SNAPC4: variants seen among roughly 807,000 people sequenced by gnomAD.
SNAPC4 encodes the protein snRNA-activating protein complex subunit 4.
Under a neutral mutation model 151.3 loss-of-function variants are expected in SNAPC4, and 127 were observed. The observed-to-expected ratio is 0.84, with a 90% confidence interval of 0.73 to 0.97. The LOEUF (loss-of-function observed/expected upper bound fraction) is 0.97. SNAPC4 is among the 50% of genes least tolerant of loss of function. The pLI, the probability that SNAPC4 is intolerant of heterozygous loss-of-function variation, is 0.00. For synonymous variants in SNAPC4, 1,002 were observed against 824.4 expected (o/e 1.22, Z -3.69); for missense variants, 2,186 against 1,935.0 (o/e 1.13, Z -2.43).
chr9:136,394,795 C>T lies in SNAPC4; in HGVS notation c.550+5G>A, dbSNP rs776274076. On this transcript the variant is annotated splice_donor_5th_base_variant and intron_variant, in intron 6 of 23. Transcript: ENST00000684778. Reference sequence around the variant, plus strand: ...GGGTGCCGCAGGGCCGGCCAGGGCTCTTACATTTGGTCACAAGGAGCTCCT... The same window carrying T: ...GGGTGCCGCAGGGCCGGCCAGGGCTTTTACATTTGGTCACAAGGAGCTCCT... The T allele has an allele frequency of 1.1e-5, 17 of 1,613,506 alleles. No individual in the cohort carries two copies. The East Asian group carries it at 3.8e-4, about 36-fold the overall frequency.
intron 11 of SNAPC4, 56 bp from the exon 12 acceptor site, chr9:136,387,904 A>G (rs1424277600): frequency 4.1e-6 from 4 of 987,612 alleles, no homozygotes; most frequent in South Asian, 1.3e-5. Context: ...CCCTCCATAG[A>G]GTAGACAGCT....
chr9:136,382,607 G>A (rs4567159), intron 16 of SNAPC4, among the ~76,000 whole-genome samples: 57,607 of 152,058 alleles, frequency 0.38, 11,308 homozygotes, highest in Admixed American at 0.47. Flanking sequence ...TCCAGGTGAC[G>A]CCCCGGCCTA....
chr9:136,395,605 G>A lies in SNAPC4; in HGVS notation c.343C>T (p.Gln115Ter). The A allele has an allele frequency of 6.2e-7, 1 of 1,610,228 alleles. No individual in the cohort carries two copies. The highest frequency in any genetic ancestry group is 1.1e-5 in the South Asian group (1 of 91,000). Residue 115 changes from glutamine to a stop codon, truncating the protein, a stop_gained and splice_region_variant, in exon 4 of 24, where the codon CAG becomes TAG. Coordinates refer to ENST00000684778, the MANE Select transcript of SNAPC4 (RefSeq NM_003086.4). LOFTEE classifies it high-confidence loss of function. ...CGGGGGGCCGAGGCCCATCCCACCT[G>A]CTGCTCCCGGTTCTGGGCCAGCAGC... ...NLLLAQNREQ[Q>*]EELMRDLAGS...
chr9:136,381,221 G>A (rs141912943), intron 19 of SNAPC4, 101 bp downstream of exon 19: 4 of 942,368 alleles, frequency 4.2e-6, no homozygotes, highest in African/African-American at 3.3e-5. Context: ...GAAAACTTTA[G>A]ATAGCTAGAC....
chr9:136,377,964 C>T lies in SNAPC4; in HGVS notation c.3863G>A (p.Gly1288Asp). ...AAGAGGCACACGCACCCCCCGCTGGCCCCCCAGCCACTGCTGTGTGGCCGC... is the reference window on the plus strand; with the variant it reads ...AAGAGGCACACGCACCCCCCGCTGGTCCCCCAGCCACTGCTGTGTGGCCGC... The part of the protein sequence containing the change: ...GEAATQQWLG[G>D]QRGVRVPLLG... The change falls in exon 22 of 24, where the codon GGC becomes GAC. Residue 1288 changes from glycine to aspartate, a missense_variant. Physicochemically the swap from Gly to Asp is moderately conservative, Grantham distance 94. Transcript: ENST00000684778. 6.2e-7 allele frequency: 1 copy of T among 1,601,128 alleles called. No homozygotes were observed. The highest frequency in any genetic ancestry group is 1.1e-5 in the South Asian group (1 of 90,534).
In SNAPC4 at chr9:136,387,801, A is replaced by G. The variant is rs751703145; in HGVS notation, c.1171T>C (p.Trp391Arg). Reference sequence around the variant, plus strand: ...AGACCAGGATCCAAGCTCTTGGTCCATCGGTAGATCAGCTGCATGGAGTCT... The same window carrying G: ...AGACCAGGATCCAAGCTCTTGGTCCGTCGGTAGATCAGCTGCATGGAGTCT... ...GRDSMQLIYR[W>R]TKSLDPGLKK... The change falls in exon 12 of 24, where the codon TGG becomes CGG. Residue 391 changes from tryptophan (W) to arginine (R), a missense_variant. Physicochemically the swap from Trp to Arg is moderately radical, Grantham distance 101. Coordinates refer to ENST00000684778, the MANE Select transcript of SNAPC4 (RefSeq NM_003086.4). The G allele has an allele frequency of 4.3e-6, 7 of 1,613,042 alleles. No homozygotes were observed. Among genetic ancestry groups the G allele is most frequent in the East Asian group, 2.2e-5 (1 of 44,874 alleles).
chr9:136,391,816 TG>T, intron 10 of SNAPC4, 125 bp downstream of exon 10: 1 of 1,018,980 alleles, frequency 9.8e-7, no homozygotes, highest in Non-Finnish European at 1.4e-6. Flanking sequence ...AGCCTGGAGG[TG>T]GCAACACATA....
At chr9:136,382,881 AG>A (rs1352517720) in intron 16 of SNAPC4, among the ~76,000 whole-genome samples, 1 of 152,054 alleles carries the variant, frequency 6.6e-6, no homozygotes, top group East Asian at 1.9e-4. Flanking sequence ...AGGAGGGAGG[AG>A]GGGCTCCTCC....
chr9:136,393,002 C>T (rs1834135013), intron 7 of SNAPC4, among the ~76,000 whole-genome samples: 1 of 152,210 alleles, frequency 6.6e-6, no homozygotes, highest in Non-Finnish European at 1.5e-5. Flanking sequence ...GAGGCTACCG[C>T]CTGCTGGCCC....
intron 10 of SNAPC4, among the ~76,000 whole-genome samples, chr9:136,389,193 T>C (rs1833988624): frequency 6.6e-6 from 1 of 152,186 alleles, no homozygotes; most frequent in Non-Finnish European, 1.5e-5. Context: ...AATCTTTTCC[T>C]CACTCATCTT....
intron 13 of SNAPC4, among the ~76,000 whole-genome samples, chr9:136,385,451 AT>A (rs1833857513): frequency 6.6e-6 from 1 of 152,192 alleles, no homozygotes; most frequent in African/African-American, 2.4e-5. Flanking sequence ...AAATAAACAG[AT>A]ATCTATGTAA....
At position 136,377,958 on chromosome 9, in the gene SNAPC4, C is replaced by G; in HGVS notation, c.3869G>C (p.Arg1290Pro). 1 of 1,602,114 alleles carries G rather than the reference C, an allele frequency of 6.2e-7. No individual in the cohort carries two copies. Among genetic ancestry groups the G allele is most frequent in the Non-Finnish European group, 8.5e-7 (1 of 1,174,364 alleles). Reference sequence around the variant, plus strand: ...GCCCAGAAGAGGCACACGCACCCCCCGCTGGCCCCCCAGCCACTGCTGTGT... The same window carrying G: ...GCCCAGAAGAGGCACACGCACCCCCGGCTGGCCCCCCAGCCACTGCTGTGT... The part of the protein sequence containing the change: ...AATQQWLGGQ[R>P]GVRVPLLGSR... Residue 1290 changes from arginine to proline, a missense_variant, in exon 22 of 24, where the codon CGG (arginine) becomes CCG (proline). Physicochemically the swap from Arg to Pro is moderately radical, Grantham distance 103. Transcript: ENST00000684778.
intron 19 of SNAPC4, 37 bp from the exon 20 acceptor site, chr9:136,380,887 T>C: frequency 2.4e-6 from 3 of 1,266,722 alleles, no homozygotes; most frequent in Non-Finnish European, 3.5e-6. Context: ...CATAGCTGCT[T>C]TCGGGAGCAG....
At chr9:136,377,305 G>A (rs1324801169) in intron 22 of SNAPC4, among the ~76,000 whole-genome samples, 5 of 152,198 alleles carry the variant, frequency 3.3e-5, no homozygotes, top group African/African-American at 1.2e-4. Context: ...GGAGGCTCCT[G>A]CACGAGAATG....
At position 136,395,746 on chromosome 9, in the gene SNAPC4, T is replaced by C. The variant is rs144292745; in HGVS notation, c.202A>G (p.Ser68Gly). The change falls in exon 4 of 24, where the codon AGC becomes GGC. Residue 68 changes from serine (S) to glycine (G), a missense_variant. Ser to Gly is a moderately conservative substitution (Grantham distance 56). Transcript: ENST00000684778. ...TCCTTGGGATCGTCCTCGTCATTGC[T>C]GGCTTCGCCCCACCTTTCTTCTTCC... ...ISEEERWGEASNDEDDPKDKT... is the reference protein window; with the variant it reads ...ISEEERWGEAGNDEDDPKDKT... 48 of 1,612,792 alleles carry C rather than the reference T, an allele frequency of 3.0e-5. No individual in the cohort carries two copies. The highest frequency in any genetic ancestry group is 3.7e-5 in the Non-Finnish European group (44 of 1,179,594).
intron 1 of SNAPC4, chr9:136,398,918 C>T (rs764593234): frequency 6.3e-6 from 1 of 157,916 alleles, no homozygotes; most frequent in Non-Finnish European, 1.4e-5. Flanking sequence ...TTCACAGAGA[C>T]ACACACTGAG....
Position 136,383,550 on chromosome 9 carries a change from C to A in SNAPC4, c.1619G>T (p.Ser540Ile). Residue 540 changes from serine to isoleucine, a missense_variant, in exon 16 of 24, where the codon AGC becomes ATC. Physicochemically the swap from Ser to Ile is moderately radical, Grantham distance 142. Transcript: ENST00000684778. The surrounding 1 kb of genome is among the most constrained non-coding windows in gnomAD (Gnocchi z 4.2). Reference protein sequence around the residue: ...SSGGSSSSSSSSSEEDEPEQA... With the variant: ...SSGGSSSSSSISSEEDEPEQA... ...CTCTGGCTCGTCCTCCTCGCTGCTGCTGCTGCTGCTGCTGCTGCTCCCTCC... is the reference window on the plus strand; with the variant it reads ...CTCTGGCTCGTCCTCCTCGCTGCTGATGCTGCTGCTGCTGCTGCTCCCTCC... The A allele has an allele frequency of 6.3e-7, 1 of 1,596,806 alleles. No homozygotes were observed. The highest frequency in any genetic ancestry group is 8.5e-7 in the Non-Finnish European group (1 of 1,169,890).
At chr9:136,395,919 T>A (rs988476144) in intron 3 of SNAPC4, 149 bp from the exon 4 acceptor site, 7 of 789,312 alleles carry the variant, frequency 8.9e-6, no homozygotes, top group Non-Finnish European at 1.4e-5. Context: ...GTGACCCTGG[T>A]GGGCAGCGGG....
Position 136,383,889 on chromosome 9 carries a change from G to A in SNAPC4, c.1500+64C>T, listed in dbSNP as rs1282565744. On this transcript the variant is annotated intron_variant, in intron 15 of 23. Transcript: ENST00000684778. The surrounding 1 kb of genome is among the most constrained non-coding windows in gnomAD (Gnocchi z 4.2). ...CCCCTCCCCTCCCCTCCTCCTGCCT[G>A]CTGGACCCCCCAGTTGACCAGGCCA... The A allele has an allele frequency of 6.8e-7, 1 of 1,470,796 alleles. No individual in the cohort carries two copies. The highest frequency in any genetic ancestry group is 9.5e-7 in the Non-Finnish European group (1 of 1,052,700). The allele number at this position is 1,470,796 out of a possible 1,614,324, so 91.1% of individuals were successfully genotyped here.
Sources: gnomAD v4.1 joint callset for allele counts (sites outside exome capture counted in the v4.1 genomes callset) on GRCh38, gnomAD v4.1.1 for gene constraint, Gnocchi (gnomAD v3.1) non-coding constraint, MANE v1.5 for transcripts, NCBI Gene and HGNC (gene_info 2026-07-23, HGNC 2026-07-21) for gene names.